The following LRPPRC variants were observed in gnomAD, a reference collection of about 807,000 sequenced individuals.
LRPPRC encodes leucine rich pentatricopeptide repeat containing.
LRPPRC carries 120 observed loss-of-function variants against 180.3 expected under a neutral mutation model. The ratio of observed to expected loss-of-function variants is 0.67; its 90% CI spans 0.57 to 0.77. LRPPRC has a LOEUF of 0.77. Among genes scored for constraint, LRPPRC ranks in the 30% least tolerant of loss-of-function variants. The pLI is 0.00. For missense variants in LRPPRC, 2,012 were observed against 1,657.2 expected, an observed-to-expected ratio of 1.21 and a Z score of -3.72; for synonymous variants, 723 against 600.0, an observed-to-expected ratio of 1.21 and a Z score of -3.00.
chr2:43,970,380 T>C (rs1673751383), intron 11 of LRPPRC, among the ~76,000 whole-genome samples: 1 of 152,192 alleles, frequency 6.6e-6, no homozygotes, highest in Non-Finnish European at 1.5e-5. Context: ...AAGAAAGATA[T>C]TCTGTTCAGT....
chr2:43,989,525 C>A (rs542849360), intron 1 of LRPPRC, among the ~76,000 whole-genome samples: 1 of 152,324 alleles, frequency 6.6e-6, no homozygotes, highest in Admixed American at 6.5e-5. Context: ...CAGATACATT[C>A]TGAGATCTTC....
At chr2:43,915,228 TCTCTCACACACACACACACA>T (rs1464479037) in intron 29 of LRPPRC, among the ~76,000 whole-genome samples, 2 of 63,264 alleles carry the variant, frequency 3.2e-5, no homozygotes, top group African/African-American at 1.8e-4. Flanking sequence ...TCTCTCTCTC[TCTCTCACACACACACACACA>T]CACACACACA....
chr2:43,995,787 C>T lies in LRPPRC; in HGVS notation c.149+12G>A. 3 of 1,378,510 alleles carry T rather than the reference C, an allele frequency of 2.2e-6. No individual in the cohort carries two copies. In the South Asian group the frequency reaches 5.1e-5, roughly 24 times the overall value. 85.4% of individuals were successfully genotyped at this position (1,378,510 alleles called of 1,614,324 possible). ...GCCGCAGCTTGCCTGGAGAAAGGGC[C>T]TGGGCACTCACCCGGCCACGGGCCC... On this transcript the variant is annotated intron_variant, in intron 1 of 37. Coordinates refer to ENST00000260665, the MANE Select transcript of LRPPRC (RefSeq NM_133259.4).
At chr2:43,909,089 C>G (rs941157177) in intron 30 of LRPPRC, among the ~76,000 whole-genome samples, 2 of 152,204 alleles carry the variant, frequency 1.3e-5, no homozygotes, top group African/African-American at 4.8e-5. Context: ...ACCGAACCCA[C>G]AAAATATCTC....
At position 43,968,535 on chromosome 2, in the gene LRPPRC, A is replaced by G. The variant is rs1047781538; in HGVS notation, c.1370-4829T>C. Reference sequence around the variant, plus strand: ...CCACTTGGCTTAGATCAGTATGTCAAACTCCAAGGTTTCAATCAGGGTTTG... The same window carrying G: ...CCACTTGGCTTAGATCAGTATGTCAGACTCCAAGGTTTCAATCAGGGTTTG... On this transcript the variant is annotated intron_variant, in intron 11 of 37. Transcript: ENST00000260665. 4.6e-5 allele frequency among the ~76,000 whole-genome samples: 7 copies of G among 152,342 alleles called. No individual in the cohort carries two copies. In the South Asian group the frequency reaches 8.3e-4, roughly 18 times the overall value.
chr2:43,928,309 T>C (rs1671962863), intron 25 of LRPPRC, among the ~76,000 whole-genome samples: 1 of 152,228 alleles, frequency 6.6e-6, no homozygotes, highest in South Asian at 2.1e-4. Context: ...AAGCTTATCA[T>C]AAGCTTCTAT....
Position 43,887,772 on chromosome 2 carries a change from C to T in LRPPRC, c.*828G>A, listed in dbSNP as rs985832162. 2 of 152,116 alleles carry T rather than the reference C, an allele frequency of 1.3e-5. No homozygotes were observed. Among genetic ancestry groups the T allele is most frequent in the Admixed American group, 1.3e-4 (2 of 15,266 alleles). The allele number at this position is 152,116 out of a possible 1,614,324, so 9.4% of individuals were successfully genotyped here. On this transcript the variant is annotated 3_prime_UTR_variant, in exon 38 of 38. Transcript: ENST00000260665. Reference sequence around the variant, plus strand: ...ATATAGGGATCACTTTTATTTCAAACAATTAAATACAAACCAATATTTTAC... The same window carrying T: ...ATATAGGGATCACTTTTATTTCAAATAATTAAATACAAACCAATATTTTAC...
chr2:43,979,923 C>A lies in LRPPRC; in HGVS notation c.372G>T (p.Leu124Phe). The A allele has an allele frequency of 1.9e-6, 3 of 1,613,832 alleles. No individual in the cohort carries two copies. Among genetic ancestry groups the A allele is most frequent in the Non-Finnish European group, 2.5e-6 (3 of 1,179,834 alleles). The change falls in exon 3 of 38, where the codon TTG becomes TTT. Residue 124 changes from leucine to phenylalanine, a missense_variant. Leu to Phe is a conservative substitution (Grantham distance 22). Transcript: ENST00000260665. Reference sequence around the variant, plus strand: ...GAGAACCACAACTACGTAGTAGAAGCAAGGCATGACTACCACCTAGGCCAC... The same window carrying A: ...GAGAACCACAACTACGTAGTAGAAGAAAGGCATGACTACCACCTAGGCCAC... ...RSGGLGGSHA[L>F]LLLRSCGSLL... is the part of the protein sequence containing the mutation.
At chr2:43,960,767 T>G in intron 12 of LRPPRC, 133 bp from the exon 13 acceptor site, 1 of 684,278 alleles carries the variant, frequency 1.5e-6, no homozygotes. Flanking sequence ...AGCTCAGTAA[T>G]TGAATTTTAG....
intron 11 of LRPPRC, among the ~76,000 whole-genome samples, chr2:43,966,521 C>T (rs1014491782): frequency 3.3e-5 from 5 of 151,592 alleles, no homozygotes; most frequent in Non-Finnish European, 4.4e-5. Flanking sequence ...AGCGATTCTT[C>T]TGCCTCAGGC....
chr2:43,985,028 T>G (rs897537611), intron 1 of LRPPRC, among the ~76,000 whole-genome samples: 35 of 150,026 alleles, frequency 2.3e-4, no homozygotes, highest in African/African-American at 7.8e-4. Context: ...AACTCTTCAA[T>G]AGAAAACGAT....
At chr2:43,967,857 C>T (rs978698605) in intron 11 of LRPPRC, among the ~76,000 whole-genome samples, 1 of 152,188 alleles carries the variant, frequency 6.6e-6, no homozygotes, top group African/African-American at 2.4e-5. Flanking sequence ...GGTATCACTA[C>T]TAACAACCTT....
rs765420209 is a variant in LRPPRC, at chr2:43,901,324, T to TTA, written c.3563_3564dup (p.Lys1189Ter). On this transcript the variant is annotated frameshift_variant, in exon 32 of 38. Transcript: ENST00000260665. LOFTEE classifies it high-confidence loss of function. ...AGAAGGCTTGCAAATACTCACTTCT[T>TTA]TATTTGAGCCAAAGCAATGTTATTG... 1.2e-6 allele frequency: 2 copies of TTA among 1,612,806 alleles called. No homozygotes were observed.
intron 11 of LRPPRC, 69 bp from the exon 12 acceptor site, chr2:43,963,775 C>A: frequency 1.1e-6 from 1 of 872,040 alleles, no homozygotes; most frequent in South Asian, 1.3e-5. Flanking sequence ...TCGGTAAGTT[C>A]AGTTCAATTA....
intron 1 of LRPPRC, among the ~76,000 whole-genome samples, chr2:43,994,239 G>C (rs1017763712): frequency 4.6e-5 from 7 of 152,218 alleles, no homozygotes; most frequent in African/African-American, 1.7e-4. Flanking sequence ...AGCCCAATAA[G>C]AAAATATAGG....
At chr2:43,973,944 C>T (rs756280911) in intron 9 of LRPPRC, 44 bp from the exon 10 acceptor site, 2 of 1,251,916 alleles carry the variant, frequency 1.6e-6, no homozygotes, top group Non-Finnish European at 2.4e-6. Flanking sequence ...GGCAAACACC[C>T]CACCGTTTGA....
chr2:43,908,509 A>G (rs1558917613), intron 30 of LRPPRC, among the ~76,000 whole-genome samples: 1 of 151,698 alleles, frequency 6.6e-6, no homozygotes, highest in Non-Finnish European at 1.5e-5. Flanking sequence ...TAAAAATGAT[A>G]TTTTTTTTAA....
At chr2:43,988,387 T>A (rs11886911) in intron 1 of LRPPRC, among the ~76,000 whole-genome samples, 7 of 151,934 alleles carry the variant, frequency 4.6e-5, no homozygotes, top group South Asian at 4.2e-4. Flanking sequence ...AAATACAAAC[T>A]TAGCCAGGCA....
intron 1 of LRPPRC, among the ~76,000 whole-genome samples, chr2:43,990,300 G>C (rs964635172): frequency 3.7e-4 from 56 of 151,882 alleles, no homozygotes; most frequent in African/African-American, 1.3e-3. Flanking sequence ...TCTTAATTCT[G>C]CTAACACTCT....
Sources: gnomAD v4.1 joint callset for allele counts (sites outside exome capture counted in the v4.1 genomes callset) on GRCh38, gnomAD v4.1.1 for gene constraint, MANE v1.5 for transcripts, NCBI Gene and HGNC (gene_info 2026-07-23, HGNC 2026-07-21) for gene names.